The following BCAS4 variants were observed in gnomAD, a reference collection of about 807,000 sequenced individuals.
BCAS4 encodes breast carcinoma amplified sequence 4.
Under a neutral mutation model 15.7 loss-of-function variants are expected in BCAS4, and 9 were observed. That is an observed-to-expected ratio of 0.57 (90% confidence interval 0.34 to 1.00). The LOEUF (loss-of-function observed/expected upper bound fraction) is 1.00. BCAS4 is among the 50% of genes least tolerant of loss of function. The pLI, the probability that BCAS4 is intolerant of heterozygous loss-of-function variation, is 0.02. For missense variants in BCAS4, 225 were observed against 239.1 expected, an observed-to-expected ratio of 0.94 and a Z score of 0.39; for synonymous variants, 101 against 99.5, an observed-to-expected ratio of 1.02 and a Z score of -0.09.
In BCAS4 at chr20:50,876,811, T is replaced by A. The variant is rs1056756942; in HGVS notation, c.*203T>A. 9.0e-6 allele frequency: 5 copies of A among 556,036 alleles called. No individual in the cohort carries two copies. Among genetic ancestry groups the A allele is most frequent in the Non-Finnish European group, 1.1e-5 (4 of 374,716 alleles). The allele number at this position is 556,036 out of a possible 1,614,324, so 34.4% of individuals were successfully genotyped here. Reference sequence around the variant, plus strand: ...CACCCACCTTGGCCTTCCAAAGTGGTGGGATTATGGGCAGGAGCCTCCGTG... The same window carrying A: ...CACCCACCTTGGCCTTCCAAAGTGGAGGGATTATGGGCAGGAGCCTCCGTG... On this transcript the variant is annotated 3_prime_UTR_variant, in exon 5 of 5. Transcript: ENST00000371608.
chr20:50,808,133 C>T (rs925155592), intron 1 of BCAS4, among the ~76,000 whole-genome samples: 4 of 151,844 alleles, frequency 2.6e-5, no homozygotes, highest in Non-Finnish European at 4.4e-5. Flanking sequence ...AGGATGGTCT[C>T]GATCTCCTGA....
intron 2 of BCAS4, among the ~76,000 whole-genome samples, chr20:50,826,685 T>G (rs2123786922): frequency 6.6e-6 from 1 of 152,238 alleles, no homozygotes; most frequent in East Asian, 1.9e-4. Context: ...TTGTCAGTAC[T>G]AAGGGGCCAG....
At chr20:50,871,047 G>A (rs1979613778) in intron 4 of BCAS4, among the ~76,000 whole-genome samples, 1 of 152,246 alleles carries the variant, frequency 6.6e-6, no homozygotes, top group Non-Finnish European at 1.5e-5. Context: ...GACCCCAGCG[G>A]GGACTCATTC....
At chr20:50,864,806 CTT>C (rs1017963698) in intron 4 of BCAS4, among the ~76,000 whole-genome samples, 1 of 152,018 alleles carries the variant, frequency 6.6e-6, no homozygotes, top group Non-Finnish European at 1.5e-5. Flanking sequence ...ATTTAAATGA[CTT>C]TTTGGCTGGG....
chr20:50,804,102 G>A (rs758189897), intron 1 of BCAS4, among the ~76,000 whole-genome samples: 1 of 152,088 alleles, frequency 6.6e-6, no homozygotes, highest in African/African-American at 2.4e-5. Flanking sequence ...ATAATGGCGC[G>A]ATCTCAGCTC....
At chr20:50,831,514 G>A (rs533926482) in intron 3 of BCAS4, among the ~76,000 whole-genome samples, 28 of 152,128 alleles carry the variant, frequency 1.8e-4, no homozygotes, top group African/African-American at 3.4e-4. Context: ...TTGCCTTACC[G>A]CTGACGTAGC....
intron 3 of BCAS4, among the ~76,000 whole-genome samples, chr20:50,834,509 G>C (rs1033462078): frequency 1.3e-5 from 2 of 152,006 alleles, no homozygotes; most frequent in East Asian, 3.9e-4. Flanking sequence ...TGGCCAGGCT[G>C]GTCTCGAACT....
intron 1 of BCAS4, 96 bp downstream of exon 1, chr20:50,795,269 C>G (rs1022109863): frequency 6.2e-6 from 7 of 1,130,698 alleles, no homozygotes; most frequent in Non-Finnish European, 7.9e-6. Context: ...CTCTCGCTCC[C>G]GGAGTGGGGG....
intron 4 of BCAS4, among the ~76,000 whole-genome samples, chr20:50,845,520 C>G (rs1366417794): frequency 6.6e-6 from 1 of 152,164 alleles, no homozygotes; most frequent in African/African-American, 2.4e-5. Flanking sequence ...GGGGCCTGTT[C>G]CAATGCCCGG....
intron 4 of BCAS4, among the ~76,000 whole-genome samples, chr20:50,868,656 C>T (rs930433812): frequency 6.6e-6 from 1 of 152,206 alleles, no homozygotes; most frequent in Non-Finnish European, 1.5e-5. Flanking sequence ...CTCTTGGACT[C>T]AAGCAGTCCT....
rs535917212 is a variant in BCAS4 at position 50,861,829 on chromosome 20, T to G, written c.400-14657T>G. On this transcript the variant is annotated intron_variant, in intron 4 of 4. Transcript: ENST00000371608. ...TTTCTTTTTCTTTCTTTCTTTCTTT[T>G]CTTTCTTCTTCTTCTCCTTTTTTTT... Among the ~76,000 whole-genome samples the G allele has an allele frequency of 2.0e-5, 3 of 151,186 alleles. No individual in the cohort carries two copies. The South Asian group carries it at 6.3e-4, about 32-fold the overall frequency.
At chr20:50,881,348 A>AT (rs1453349060), downstream of BCAS4, 1 of 152,234 alleles carries the variant, frequency 6.6e-6, no homozygotes, top group Admixed American at 6.5e-5. Flanking sequence ...AAACTTCTGC[A>AT]TGGCAAAACC....
intron 4 of BCAS4, among the ~76,000 whole-genome samples, chr20:50,872,432 G>T (rs1480055335): frequency 6.6e-6 from 1 of 151,760 alleles, no homozygotes; most frequent in Non-Finnish European, 1.5e-5. Context: ...TTAGCTGGAC[G>T]TGGTGGCGGG....
At position 50,851,354 on chromosome 20, in the gene BCAS4, G is replaced by C. The variant is rs924987830; in HGVS notation, c.399+9454G>C. On this transcript the variant is annotated intron_variant, in intron 4 of 4. Transcript: ENST00000371608. The surrounding 1 kb of genome is among the most constrained non-coding windows in gnomAD (Gnocchi z 4.3). ...GCCGGGTCCCAGCCCCCACCTACCA[G>C]CCCCCTCCCCACGGCTCCCAGGGAC... Among the ~76,000 whole-genome samples, 1 of 152,054 alleles carries C rather than the reference G, an allele frequency of 6.6e-6. No homozygotes were observed. The highest frequency in any genetic ancestry group is 1.5e-5 in the Non-Finnish European group (1 of 67,992).
intron 1 of BCAS4, among the ~76,000 whole-genome samples, chr20:50,804,414 TAGAC>T (rs1371298866): frequency 1.3e-5 from 2 of 152,214 alleles, no homozygotes; most frequent in Admixed American, 6.5e-5. Context: ...TTTCAGCAGT[TAGAC>T]AGAATTTCAT....
At chr20:50,874,878 C>T (rs1283190380) in intron 4 of BCAS4, among the ~76,000 whole-genome samples, 1 of 152,208 alleles carries the variant, frequency 6.6e-6, no homozygotes, top group Non-Finnish European at 1.5e-5. Flanking sequence ...AGAACTGGGT[C>T]TCAGCCAGAG....
chr20:50,864,827 C>T (rs371915271), intron 4 of BCAS4, among the ~76,000 whole-genome samples: 3 of 152,064 alleles, frequency 2.0e-5, no homozygotes, highest in Non-Finnish European at 4.4e-5. Flanking sequence ...GGCGCAGTGG[C>T]TCATGCCTGT....
intron 4 of BCAS4, among the ~76,000 whole-genome samples, chr20:50,872,276 A>G (rs1195236082): frequency 6.8e-6 from 1 of 147,678 alleles, no homozygotes; most frequent in East Asian, 2.0e-4. Context: ...AAAAAAAAAA[A>G]AAAAAAAAGA....
intron 4 of BCAS4, among the ~76,000 whole-genome samples, chr20:50,848,948 G>A (rs559161187): frequency 3.6e-4 from 55 of 152,380 alleles, no homozygotes; most frequent in African/African-American, 1.1e-3. Context: ...GCGCCTGCTT[G>A]CGGAGGGCCC....
Sources: gnomAD v4.1 joint callset for allele counts (sites outside exome capture counted in the v4.1 genomes callset) on GRCh38, gnomAD v4.1.1 for gene constraint, Gnocchi (gnomAD v3.1) non-coding constraint, MANE v1.5 for transcripts, NCBI Gene and HGNC (gene_info 2026-07-23, HGNC 2026-07-21) for gene names.